ADCK5: variants seen among roughly 807,000 people sequenced by gnomAD.
ADCK5 encodes the protein uncharacterized aarF domain-containing protein kinase 5.
A neutral mutation model predicts 64.9 loss-of-function variants in ADCK5; 43 were observed. The ratio of observed to expected loss-of-function variants is 0.66; its 90% CI spans 0.52 to 0.85. The LOEUF (loss-of-function observed/expected upper bound fraction) is 0.85, where lower values mean the gene tolerates loss of function less well. ADCK5 is among the 40% of genes least tolerant of loss of function. ADCK5 has a pLI of 0.00. For synonymous variants in ADCK5, 434 were observed against 342.8 expected, an observed-to-expected ratio of 1.27 and a Z score of -2.94; for missense variants, 760 against 810.5, an observed-to-expected ratio of 0.94 and a Z score of 0.76.
chr8:144,392,182 T>TGGG lies in ADCK5; in HGVS notation c.1175+13_1175+15dup. 2 of 261,134 alleles carry TGGG rather than the reference T, an allele frequency of 7.7e-6. No homozygotes were observed. Among genetic ancestry groups the TGGG allele is most frequent in the Admixed American group, 1.1e-4 (2 of 18,578 alleles). 16.2% of individuals were successfully genotyped at this position (261,134 alleles called of 1,614,324 possible). A position where few individuals can be genotyped will look rare whatever the true frequency, so the allele number is the denominator to read the frequency against. On this transcript the variant is annotated intron_variant, in intron 11 of 14. Transcript: ENST00000308860. The stretch of plus-strand genomic sequence containing the variant: ...TTCCTGGAGGAGAAGTGAGCGCGGG[T>TGGG]GGGTGGGCGTGGGGCAGGGCAAGCC...
At position 144,391,828 on chromosome 8, in the gene ADCK5, G is replaced by T; in HGVS notation, c.976G>T (p.Val326Leu). The T allele has an allele frequency of 6.3e-7, 1 of 1,577,968 alleles. No individual in the cohort carries two copies. Among genetic ancestry groups the T allele is most frequent in the African/African-American group, 1.3e-5 (1 of 74,504 alleles). The change falls in exon 9 of 15, where the codon GTG becomes TTG. Residue 326 changes from valine to leucine, a missense_variant. This residue lies in a region of ADCK5 where 427 missense variants were observed against 518.4 expected (regional missense o/e 0.82). Transcript: ENST00000308860. ...DFCAGCKVND[V>L]EAIRSQGLAV... ...CTGCGCCGGCTGCAAGGTCAACGAT[G>T]TGGAGGCCATCAGGAGCCAGGGGCT...
At position 144,384,387 on chromosome 8, in the gene ADCK5, G is replaced by C. The variant is rs1819818786; in HGVS notation, c.266+1157G>C. 6.6e-6 allele frequency among the ~76,000 whole-genome samples: 1 copy of C among 152,188 alleles called. No individual in the cohort carries two copies. The highest frequency in any genetic ancestry group is 1.5e-5 in the Non-Finnish European group (1 of 68,032). On this transcript the variant is annotated intron_variant, in intron 3 of 14. Transcript: ENST00000308860. This position sits in a 1 kb window ranked among gnomAD's most constrained non-coding sequence, Gnocchi z 5.7. ...TTTCACAGAAATTTCCTCCAGCAGTGAGTGGAAGCTTGTGGATAGCTGGGC... is the reference window on the plus strand; with the variant it reads ...TTTCACAGAAATTTCCTCCAGCAGTCAGTGGAAGCTTGTGGATAGCTGGGC...
rs1554860403 is a variant in ADCK5 at position 144,391,149 on chromosome 8, C to T, written c.559C>T (p.Leu187Phe). 2 of 1,611,258 alleles carry T rather than the reference C, an allele frequency of 1.2e-6. No homozygotes were observed. The highest frequency in any genetic ancestry group is 1.7e-5 in the Admixed American group (1 of 60,020). ...RGFQEVDELF[L>F]EDFQALPHEL... ...GTCCTTCCAGGTGGATGAGTTGTTC[C>T]TTGAGGACTTCCAGGCCCTCCCCCA... The change falls in exon 6 of 15, where the codon CTT (leucine) becomes TTT (phenylalanine). Residue 187 changes from leucine to phenylalanine, a missense_variant. This residue lies in a region of ADCK5 where 427 missense variants were observed against 518.4 expected (regional missense o/e 0.82). Transcript: ENST00000308860.
intron 3 of ADCK5, among the ~76,000 whole-genome samples, chr8:144,388,627 T>C (rs1347093477): frequency 5.3e-5 from 8 of 149,556 alleles, no homozygotes; most frequent in African/African-American, 2.0e-4. Context: ...TAGCCGGGCG[T>C]GGTGTTGGGC....
At chr8:144,392,748 G>GACGCGGCGCTA (rs1564679061) in intron 13 of ADCK5, 28 bp from the exon 14 acceptor site, 5 of 1,586,482 alleles carry the variant, frequency 3.2e-6, no homozygotes, top group African/African-American at 2.7e-5. Flanking sequence ...GTGTGGGGCT[G>GACGCGGCGCTA]ACGCGGCGCT....
At chr8:144,381,110 A>T (rs1351509584) in intron 2 of ADCK5, among the ~76,000 whole-genome samples, 6 of 141,642 alleles carry the variant, frequency 4.2e-5, no homozygotes, top group South Asian at 2.3e-4. Flanking sequence ...GGGTGTAGAA[A>T]CAGATGTGTG....
chr8:144,376,040 CCT>C lies in ADCK5; in HGVS notation c.12+1938_12+1939del, dbSNP rs1409567994. Among the ~76,000 whole-genome samples the C allele has an allele frequency of 2.0e-5, 3 of 152,184 alleles. No individual in the cohort carries two copies. Among genetic ancestry groups the C allele is most frequent in the African/African-American group, 4.8e-5 (2 of 41,432 alleles). ...TGCAGGCTCGCCCCCCAACCCATAA[CCT>C]CTCTGGGCCTTGGGGACCTCTCCTG... On this transcript the variant is annotated intron_variant, in intron 1 of 14. Transcript: ENST00000308860. The surrounding 1 kb of genome is among the most constrained non-coding windows in gnomAD (Gnocchi z 5.1).
chr8:144,381,084 C>G (rs1207591012), intron 2 of ADCK5, among the ~76,000 whole-genome samples: 2 of 142,048 alleles, frequency 1.4e-5, no homozygotes, highest in East Asian at 4.4e-4. Flanking sequence ...ACCTGCTGCA[C>G]TAAGGATTAT....
intron 3 of ADCK5, among the ~76,000 whole-genome samples, chr8:144,386,006 G>A (rs1554859212): frequency 6.7e-6 from 1 of 149,962 alleles, no homozygotes; most frequent in Non-Finnish European, 1.5e-5. Context: ...TTCCCCCACC[G>A]CCCCTTTTTC....
At chr8:144,385,519 G>A (rs1586586530) in intron 3 of ADCK5, among the ~76,000 whole-genome samples, 2 of 151,060 alleles carry the variant, frequency 1.3e-5, no homozygotes, top group African/African-American at 4.8e-5. Flanking sequence ...GGTGGCTCAC[G>A]CCTGTAATCC....
At chr8:144,389,226 C>T (rs1820089605) in intron 3 of ADCK5, 3 of 455,978 alleles carry the variant, frequency 6.6e-6, no homozygotes, top group Non-Finnish European at 1.3e-5. Context: ...CAGGATGTCC[C>T]CCACTTCCTG....
At chr8:144,377,264 T>C (rs1819402257) in intron 1 of ADCK5, 1 of 152,218 alleles carries the variant, frequency 6.6e-6, no homozygotes, top group African/African-American at 2.4e-5. Flanking sequence ...TTTTTAATAA[T>C]ACTGTAAGTT....
rs184127179 is a variant in ADCK5 at position 144,392,921 on chromosome 8, G to A, written c.1637+29G>A. ...AGTGGCCGCGGGGCAGGTGGGTGGC[G>A]GGGGCCTGCTCCCCACCCACCTGTG... On this transcript the variant is annotated intron_variant, in intron 14 of 14. Transcript: ENST00000308860. 26 of 1,592,010 alleles carry A rather than the reference G, an allele frequency of 1.6e-5. No homozygotes were observed. In the African/African-American group the frequency reaches 2.3e-4, roughly 14 times the overall value.
chr8:144,376,420 G>C lies in ADCK5; in HGVS notation c.12+2313G>C, dbSNP rs1819367584. On this transcript the variant is annotated intron_variant, in intron 1 of 14. Transcript: ENST00000308860. The surrounding 1 kb of genome is among the most constrained non-coding windows in gnomAD (Gnocchi z 5.1). ...TGGAGCGGGACGTGAGCATGAGCAA[G>C]GCTGCTGGTGGACCAGGGTAGGGTG... 6.6e-6 allele frequency among the ~76,000 whole-genome samples: 1 copy of C among 152,212 alleles called. No homozygotes were observed. Among genetic ancestry groups the C allele is most frequent in the African/African-American group, 2.4e-5 (1 of 41,450 alleles).
chr8:144,373,987 C>CG (rs1404961562), upstream of ADCK5: 131 of 1,179,816 alleles, frequency 1.1e-4, no homozygotes, highest in Admixed American at 1.6e-3. Flanking sequence ...GCCCACGGGG[C>CG]GGGGCTCTGG....
chr8:144,389,910 CCT>C (rs1285883252), intron 3 of ADCK5, among the ~76,000 whole-genome samples: 1 of 150,780 alleles, frequency 6.6e-6, no homozygotes, highest in Non-Finnish European at 1.5e-5. Context: ...CTCACTGCAA[CCT>C]CTGCCTCTCG....
Position 144,392,090 on chromosome 8 carries a change from A to G in ADCK5, c.1097-2A>G. The G allele has an allele frequency of 6.2e-7, 1 of 1,611,736 alleles. No homozygotes were observed. The highest frequency in any genetic ancestry group is 8.5e-7 in the Non-Finnish European group (1 of 1,179,786). ...GCGCGACCTAAGAGGCTGTATCCCT[A>G]GTTCTGGTGCGGAAAGGCCCGGACG... On this transcript the variant is annotated splice_acceptor_variant, in intron 10 of 14. Coordinates refer to ENST00000308860, the MANE Select transcript of ADCK5 (RefSeq NM_174922.5). LOFTEE classifies it high-confidence loss of function.
rs781841554 is a variant in ADCK5 at position 144,393,200 on chromosome 8, C to T, written c.*126C>T. 275 of 1,355,784 alleles carry T rather than the reference C, an allele frequency of 2.0e-4. No homozygotes were observed. The highest frequency in any genetic ancestry group is 2.6e-4 in the Non-Finnish European group (261 of 1,013,520). The allele number at this position is 1,355,784 out of a possible 1,614,324, so 84.0% of individuals were successfully genotyped here. A position where few individuals can be genotyped will look rare whatever the true frequency, so the allele number is the denominator to read the frequency against. ...TGGGGGGCTGTGACAGCAGCTGGGCCAGGAGGCCGTGTAATGACCACACAC... is the reference window on the plus strand; with the variant it reads ...TGGGGGGCTGTGACAGCAGCTGGGCTAGGAGGCCGTGTAATGACCACACAC... On this transcript the variant is annotated 3_prime_UTR_variant, in exon 15 of 15. Coordinates refer to ENST00000308860, the MANE Select transcript of ADCK5 (RefSeq NM_174922.5).
intron 3 of ADCK5, among the ~76,000 whole-genome samples, chr8:144,386,330 T>A (rs7010536): frequency 0.46 from 69,470 of 151,224 alleles, 17,344 homozygotes; most frequent in Middle Eastern, 0.68. Context: ...ACTTTTTTTT[T>A]AAAATTTTTT....
Sources: gnomAD v4.1 joint callset for allele counts (sites outside exome capture counted in the v4.1 genomes callset) on GRCh38, gnomAD v4.1.1 for gene constraint, gnomAD v4.1.1 regional missense constraint, Gnocchi (gnomAD v3.1) non-coding constraint, MANE v1.5 for transcripts, NCBI Gene and HGNC (gene_info 2026-07-23, HGNC 2026-07-21) for gene names.